CNTNAP2: variants seen among roughly 807,000 people sequenced by gnomAD.
The protein encoded by CNTNAP2 is contactin associated protein 2.
In CNTNAP2, 98 loss-of-function variants were observed where a neutral mutation model predicts 155.2. That is an observed-to-expected ratio of 0.63 (90% CI 0.54 to 0.75). CNTNAP2 has a LOEUF of 0.75. Ranked by LOEUF, CNTNAP2 falls within the 30% of genes least tolerant of loss-of-function variation. The probability of loss-of-function intolerance (pLI) is 0.00; values close to 1 mark genes in which losing one functional copy is unlikely to be tolerated. For synonymous variants in CNTNAP2, 651 were observed against 631.2 expected (o/e 1.03, Z -0.47); for missense variants, 1,727 against 1,688.1 (o/e 1.02, Z -0.40).
chr7:146,832,500 A>G (rs994770117), intron 2 of CNTNAP2, among the ~76,000 whole-genome samples: 3 of 148,160 alleles, frequency 2.0e-5, no homozygotes, highest in Middle Eastern at 3.6e-3. Context: ...ATTTATATAT[A>G]GTGGTAAATT....
intron 1 of CNTNAP2, among the ~76,000 whole-genome samples, chr7:146,589,105 C>G (rs1225857013): frequency 6.6e-6 from 1 of 152,088 alleles, no homozygotes; most frequent in Non-Finnish European, 1.5e-5. Flanking sequence ...CACAAGTTCC[C>G]CCATTCCATT....
At chr7:148,382,895 T>C (rs1246605753) in intron 21 of CNTNAP2, among the ~76,000 whole-genome samples, 1 of 152,256 alleles carries the variant, frequency 6.6e-6, no homozygotes, top group African/African-American at 2.4e-5. Flanking sequence ...GGCCATTGAT[T>C]TAACTGGTAT....
rs185111298 is a variant in CNTNAP2 at position 147,773,400 on chromosome 7, G to A, written c.2099-130165G>A. Among the ~76,000 whole-genome samples, 70 of 152,196 alleles carry A rather than the reference G, an allele frequency of 4.6e-4. 1 individual carries two copies. The highest frequency in any genetic ancestry group is 1.6e-3 in the African/African-American group (67 of 41,530). On this transcript the variant is annotated intron_variant, in intron 13 of 23. Coordinates refer to ENST00000361727, the MANE Select transcript of CNTNAP2 (RefSeq NM_014141.6). Reference sequence around the variant, plus strand: ...ACCTATAGCCCTAGCACTTTGGGAGGCCAAGGCGGTCGATCACCTGAGGTC... The same window carrying A: ...ACCTATAGCCCTAGCACTTTGGGAGACCAAGGCGGTCGATCACCTGAGGTC...
intron 1 of CNTNAP2, among the ~76,000 whole-genome samples, chr7:146,322,697 A>C (rs1194622973): frequency 1.8e-5 from 2 of 114,270 alleles, no homozygotes. Flanking sequence ...TTCCCTCAAT[A>C]TTTGTTGAGT....
chr7:146,674,177 TAAAATCTTCA>T (rs1017592122), intron 1 of CNTNAP2, among the ~76,000 whole-genome samples: 11 of 152,160 alleles, frequency 7.2e-5, no homozygotes, highest in African/African-American at 2.7e-4. Context: ...GGAAACTTTC[TAAAATCTTCA>T]AAAATCTAAG....
chr7:147,819,817 T>A (rs752042568), intron 13 of CNTNAP2, among the ~76,000 whole-genome samples: 1 of 152,052 alleles, frequency 6.6e-6, no homozygotes, highest in Non-Finnish European at 1.5e-5. Context: ...GAGGTCTGAC[T>A]TTCTGCATCA....
chr7:146,862,631 A>T (rs1795125718), intron 3 of CNTNAP2, among the ~76,000 whole-genome samples: 1 of 152,222 alleles, frequency 6.6e-6, no homozygotes, highest in Non-Finnish European at 1.5e-5. Context: ...TGTCTATCAA[A>T]GATATCACAG....
At chr7:146,294,409 C>T (rs563793524) in intron 1 of CNTNAP2, among the ~76,000 whole-genome samples, 1 of 152,236 alleles carries the variant, frequency 6.6e-6, no homozygotes, top group Admixed American at 6.5e-5. Flanking sequence ...AACAGACTAA[C>T]GACTCCTTCA....
At chr7:148,000,240 A>G (rs1801873034) in intron 15 of CNTNAP2, among the ~76,000 whole-genome samples, 3 of 152,104 alleles carry the variant, frequency 2.0e-5, no homozygotes. Context: ...TCTGTAGGAG[A>G]AGCAAGCTCC....
At chr7:147,627,579 G>A (rs1584865338) in intron 12 of CNTNAP2, among the ~76,000 whole-genome samples, 1 of 150,664 alleles carries the variant, frequency 6.6e-6, no homozygotes, top group South Asian at 2.1e-4. Flanking sequence ...GTAATCCCAG[G>A]TACTTGGGAG....
rs386411606 is a variant in CNTNAP2, at chr7:147,950,364, CAAAAAAAAAAAAAAAAAA to C, written c.2256-27486_2256-27469del. ...AGCTTAAGCTATACACATAGAGAGG[CAAAAAAAAAAAAAAAAAA>C]AAAAAAAAAAAGACCTTACAGTTTT... On this transcript the variant is annotated intron_variant, in intron 14 of 23. Coordinates refer to ENST00000361727, the MANE Select transcript of CNTNAP2 (RefSeq NM_014141.6). 1.1e-4 allele frequency among the ~76,000 whole-genome samples: 6 copies of C among 55,782 alleles called. 1 individual carries two copies. The highest frequency in any genetic ancestry group is 4.9e-4 in the African/African-American group (5 of 10,156). The allele number at this position is 55,782 out of a possible 152,430, so 36.6% of individuals were successfully genotyped here. A position where few individuals can be genotyped will look rare whatever the true frequency, so the allele number is the denominator to read the frequency against.
chr7:147,942,448 A>G (rs1800742753), intron 14 of CNTNAP2, among the ~76,000 whole-genome samples: 1 of 152,226 alleles, frequency 6.6e-6, no homozygotes, highest in Non-Finnish European at 1.5e-5. Flanking sequence ...GAGGAATTGT[A>G]AAAACTTAAA....
intron 3 of CNTNAP2, among the ~76,000 whole-genome samples, chr7:146,951,499 G>T (rs781703689): frequency 3.3e-5 from 5 of 151,856 alleles, no homozygotes; most frequent in Non-Finnish European, 5.9e-5. Flanking sequence ...GTCCAGTTTC[G>T]GTTTTCTGCA....
At chr7:148,098,620 CTTGAGCCCAGGAGT>C (rs1311919121) in intron 15 of CNTNAP2, among the ~76,000 whole-genome samples, 2 of 152,008 alleles carry the variant, frequency 1.3e-5, no homozygotes, top group East Asian at 3.9e-4. Context: ...AGGAGGATCA[CTTGAGCCCAGGAGT>C]TTGAGTCCAG....
At chr7:146,719,947 T>G (rs950725030) in intron 1 of CNTNAP2, among the ~76,000 whole-genome samples, 1 of 152,080 alleles carries the variant, frequency 6.6e-6, no homozygotes, top group Non-Finnish European at 1.5e-5. Flanking sequence ...ACCCAAATGT[T>G]GAAGCATTGA....
chr7:148,257,144 GGCACTGCA>G (rs2116825504), intron 20 of CNTNAP2, among the ~76,000 whole-genome samples: 1 of 152,100 alleles, frequency 6.6e-6, no homozygotes, highest in East Asian at 2.0e-4. Context: ...TCTAGGCGAG[GGCACTGCA>G]TTCTCGCCTC....
intron 14 of CNTNAP2, among the ~76,000 whole-genome samples, chr7:147,971,203 T>C (rs1267563312): frequency 1.3e-5 from 2 of 152,196 alleles, no homozygotes; most frequent in Non-Finnish European, 2.9e-5. Context: ...CTACTTCTAG[T>C]GAGATGTGTG....
rs181229933 is a variant in CNTNAP2 at position 148,037,675 on chromosome 7, C to T, written c.2383+59686C>T. On this transcript the variant is annotated intron_variant, in intron 15 of 23. Transcript: ENST00000361727. ...TTTTGAAAGAGAGAGAGAAGAACCA[C>T]ATAACATAACTTTTATTACAATATA... is the stretch of plus-strand genomic sequence containing the variant. 1.1e-3 allele frequency among the ~76,000 whole-genome samples: 165 copies of T among 152,322 alleles called. 1 individual carries two copies. The highest frequency in any genetic ancestry group is 3.8e-3 in the African/African-American group (156 of 41,574).
chr7:147,558,697 T>C (rs867725103), intron 11 of CNTNAP2, among the ~76,000 whole-genome samples: 14 of 148,930 alleles, frequency 9.4e-5, no homozygotes, highest in Middle Eastern at 3.4e-3. Flanking sequence ...TCGTTCGTTC[T>C]TTCCTTCCTT....
Sources: gnomAD v4.1 joint callset for allele counts (sites outside exome capture counted in the v4.1 genomes callset) on GRCh38, gnomAD v4.1.1 for gene constraint, MANE v1.5 for transcripts, NCBI Gene and HGNC (gene_info 2026-07-23, HGNC 2026-07-21) for gene names.